The following ZFR2 variants were observed in gnomAD, a reference collection of about 807,000 sequenced individuals.
The protein encoded by ZFR2 is zinc finger RNA binding protein 2.
In ZFR2, 104 loss-of-function variants were observed where a neutral mutation model predicts 105.7. The ratio of observed to expected loss-of-function variants is 0.98; its 90% CI spans 0.84 to 1.16. The LOEUF is 1.16. Among genes scored for constraint, ZFR2 ranks in the 50% most tolerant of loss-of-function variants. ZFR2 has a pLI of 0.00. For synonymous variants in ZFR2, 634 were observed against 597.7 expected, an observed-to-expected ratio of 1.06 and a Z score of -0.89; for missense variants, 1,425 against 1,355.5, an observed-to-expected ratio of 1.05 and a Z score of -0.80.
rs754591741 is a variant in ZFR2 at position 3,834,872 on chromosome 19, T to G, written c.165A>C (p.Ala55=). 22 of 1,611,804 alleles carry G rather than the reference T, an allele frequency of 1.4e-5. No homozygotes were observed. Among genetic ancestry groups the G allele is most frequent in the Non-Finnish European group, 1.8e-5 (21 of 1,179,176 alleles). ...AGTGGGGCTGGTATCCACCGTACCCTGCCGGGGCAGCTGGGGGAAAGGCCG... is the reference window on the plus strand; with the variant it reads ...AGTGGGGCTGGTATCCACCGTACCCGGCCGGGGCAGCTGGGGGAAAGGCCG... ...VNPAFPPAAP[A]GYGGYQPHSG... The change falls in exon 2 of 19, where the codon GCA becomes GCC. Residue 55 remains alanine (A), a synonymous_variant. Coordinates refer to ENST00000262961, the MANE Select transcript of ZFR2 (RefSeq NM_015174.2). This position sits in a 1 kb window ranked among gnomAD's most constrained non-coding sequence, Gnocchi z 5.3.
chr19:3,829,474 G>A (rs1262336350), intron 5 of ZFR2, among the ~76,000 whole-genome samples: 2 of 151,998 alleles, frequency 1.3e-5, no homozygotes, highest in African/African-American at 2.4e-5. Flanking sequence ...GTGTGTGTGT[G>A]TGTGTGTTTT....
rs775932272 is a variant in ZFR2 at position 3,819,008 on chromosome 19, T to C, written c.1931+37A>G. 1.5e-5 allele frequency: 24 copies of C among 1,598,346 alleles called. 1 individual carries two copies. Among genetic ancestry groups the C allele is most frequent in the African/African-American group, 1.3e-5 (1 of 74,680 alleles). On this transcript the variant is annotated intron_variant, in intron 12 of 18. Transcript: ENST00000262961. Reference sequence around the variant, plus strand: ...CCGAGGAGCTGACCTCTGTCCTGGCTGAGAGCCGGGCCCTGGGGAAGGGGA... The same window carrying C: ...CCGAGGAGCTGACCTCTGTCCTGGCCGAGAGCCGGGCCCTGGGGAAGGGGA...
intron 9 of ZFR2, 118 bp from the exon 10 acceptor site, chr19:3,821,597 C>T: frequency 1.3e-6 from 1 of 743,858 alleles, no homozygotes. Context: ...GAAAAATCTC[C>T]CAAAGCCTTT....
chr19:3,831,165 C>A, intron 5 of ZFR2, 138 bp downstream of exon 5: 1 of 1,235,654 alleles, frequency 8.1e-7, no homozygotes, highest in Non-Finnish European at 1.1e-6. Flanking sequence ...ACAGGCCATG[C>A]ATACAACATG....
At chr19:3,818,798 T>C (rs930004293) in intron 12 of ZFR2, among the ~76,000 whole-genome samples, 9 of 152,242 alleles carry the variant, frequency 5.9e-5, no homozygotes, top group Non-Finnish European at 1.5e-5. Flanking sequence ...GCGCCTTCAA[T>C]AGCAAAAGGG....
intron 16 of ZFR2, among the ~76,000 whole-genome samples, chr19:3,810,015 A>G (rs939581580): frequency 2.0e-5 from 3 of 152,154 alleles, no homozygotes; most frequent in East Asian, 1.9e-4. Context: ...CAAAACAAAC[A>G]AACGCCTCTG....
In ZFR2 at chr19:3,831,691, G is replaced by A. The variant is rs1291311243; in HGVS notation, c.567C>T (p.Pro189=). ...AGGCGGTGCAGGTGGGGTTGTAGGAGGGCGGGGGGTAGGAGGTCACGATGG... is the reference window on the plus strand; with the variant it reads ...AGGCGGTGCAGGTGGGGTTGTAGGAAGGCGGGGGGTAGGAGGTCACGATGG... The part of the protein sequence containing the change: ...SASIVTSYPP[P]SYNPTCTAYT... Residue 189 remains proline (P), a synonymous_variant, in exon 4 of 19, where the codon CCC becomes CCT. Transcript: ENST00000262961. 6.4e-7 allele frequency: 1 copy of A among 1,573,650 alleles called. No individual in the cohort carries two copies. The highest frequency in any genetic ancestry group is 8.6e-7 in the Non-Finnish European group (1 of 1,157,838).
intron 1 of ZFR2, among the ~76,000 whole-genome samples, chr19:3,842,632 T>C (rs2038144617): frequency 6.6e-6 from 1 of 151,828 alleles, no homozygotes; most frequent in Non-Finnish European, 1.5e-5. Flanking sequence ...TTTTTCTTTT[T>C]TTTTTTTTGA....
At chr19:3,828,569 G>C (rs2037978279) in intron 5 of ZFR2, among the ~76,000 whole-genome samples, 1 of 152,294 alleles carries the variant, frequency 6.6e-6, no homozygotes, top group Admixed American at 6.5e-5. Flanking sequence ...AGACACAGGG[G>C]CTCCACCCGG....
At chr19:3,854,103 G>C (rs1270589247) in intron 1 of ZFR2, among the ~76,000 whole-genome samples, 2 of 149,168 alleles carry the variant, frequency 1.3e-5, no homozygotes, top group Non-Finnish European at 3.0e-5. Context: ...ACTGTGCCCT[G>C]ACACAGGCAG....
Position 3,850,039 on chromosome 19 carries a change from G to A in ZFR2, c.54-15056C>T, listed in dbSNP as rs187258471. ...CAGGCAAGATACCCTTGACCTCGCC[G>A]CAGGTCCCCACCCTGTCCCGCCACT... On this transcript the variant is annotated intron_variant, in intron 1 of 18. Transcript: ENST00000262961. Among the ~76,000 whole-genome samples, 572 of 152,134 alleles carry A rather than the reference G, an allele frequency of 3.8e-3. 2 individuals are homozygous for A. Among genetic ancestry groups the A allele is most frequent in the African/African-American group, 0.013 (541 of 41,510 alleles).
At chr19:3,859,535 C>A (rs1020983391) in intron 1 of ZFR2, among the ~76,000 whole-genome samples, 1 of 152,230 alleles carries the variant, frequency 6.6e-6, no homozygotes, top group African/African-American at 2.4e-5. Flanking sequence ...ACTTCCGTGC[C>A]CCGGGAACCG....
intron 14 of ZFR2, among the ~76,000 whole-genome samples, chr19:3,811,814 G>C (rs2037768172): frequency 6.6e-6 from 1 of 151,972 alleles, no homozygotes; most frequent in Admixed American, 6.6e-5. Flanking sequence ...AGGCTGGAGT[G>C]CAGTGGTGTG....
chr19:3,854,856 T>G (rs1257625108), intron 1 of ZFR2, among the ~76,000 whole-genome samples: 1 of 152,226 alleles, frequency 6.6e-6, no homozygotes, highest in Non-Finnish European at 1.5e-5. Flanking sequence ...CTCTAACTCC[T>G]GGGCTCAAGT....
At chr19:3,840,590 C>T (rs115422895) in intron 1 of ZFR2, among the ~76,000 whole-genome samples, 1,576 of 152,126 alleles carry the variant, frequency 0.01, 35 homozygotes, top group African/African-American at 0.036. Context: ...AGTGTAGTGA[C>T]GTGATCATAG....
chr19:3,841,602 T>C (rs755180231), intron 1 of ZFR2, among the ~76,000 whole-genome samples: 2 of 151,960 alleles, frequency 1.3e-5, no homozygotes, highest in African/African-American at 4.8e-5. Context: ...GGAGGGTCAC[T>C]TGAGCCCAGG....
chr19:3,825,679 G>A (rs893323919), intron 6 of ZFR2, among the ~76,000 whole-genome samples: 7 of 151,530 alleles, frequency 4.6e-5, no homozygotes, highest in East Asian at 2.0e-4. Flanking sequence ...CGGCTCACAC[G>A]GACGCTCTTC....
Position 3,849,793 on chromosome 19 carries a change from T to C in ZFR2, c.54-14810A>G, listed in dbSNP as rs574852778. 4.6e-5 allele frequency among the ~76,000 whole-genome samples: 7 copies of C among 152,184 alleles called. No homozygotes were observed. In the East Asian group the frequency reaches 5.8e-4, roughly 13 times the overall value. On this transcript the variant is annotated intron_variant, in intron 1 of 18. Coordinates refer to ENST00000262961, the MANE Select transcript of ZFR2 (RefSeq NM_015174.2). ...TCTTGTAGACAACCCTGAACAGCAATGCTCAGGCACGCTACAGTTTGGAAT... is the reference window on the plus strand; with the variant it reads ...TCTTGTAGACAACCCTGAACAGCAACGCTCAGGCACGCTACAGTTTGGAAT...
chr19:3,806,203 C>A, intron 18 of ZFR2, 78 bp from the exon 19 acceptor site: 1 of 1,373,114 alleles, frequency 7.3e-7, no homozygotes, highest in Non-Finnish European at 9.4e-7. Context: ...GGGCTGGTGT[C>A]TGTGGCCACC....
Sources: gnomAD v4.1 joint callset for allele counts (sites outside exome capture counted in the v4.1 genomes callset) on GRCh38, gnomAD v4.1.1 for gene constraint, Gnocchi (gnomAD v3.1) non-coding constraint, MANE v1.5 for transcripts, NCBI Gene and HGNC (gene_info 2026-07-23, HGNC 2026-07-21) for gene names.